Variants in AUTS2 observed in about 807,000 individuals in gnomAD.
The protein encoded by AUTS2 is autism susceptibility gene 2 protein.
AUTS2 carries 17 observed loss-of-function variants against 112.4 expected under a neutral mutation model. The observed-to-expected ratio is 0.15, with a 90% CI of 0.10 to 0.23. The LOEUF (loss-of-function observed/expected upper bound fraction) is 0.23. Among genes scored for constraint, AUTS2 ranks in the 10% least tolerant of loss-of-function variants. The pLI is 1.00. For synonymous variants in AUTS2, 751 were observed against 702.7 expected, an observed-to-expected ratio of 1.07 and a Z score of -1.09; for missense variants, 1,510 against 1,701.6, an observed-to-expected ratio of 0.89 and a Z score of 1.98.
chr7:70,733,188 G>A (rs1787539936), intron 6 of AUTS2, among the ~76,000 whole-genome samples: 1 of 152,130 alleles, frequency 6.6e-6, no homozygotes, highest in South Asian at 2.1e-4. Flanking sequence ...TCAAGGAAGG[G>A]GATGGAGGAA....
At chr7:70,366,391 G>C (rs1435608052) in intron 4 of AUTS2, among the ~76,000 whole-genome samples, 1 of 152,182 alleles carries the variant, frequency 6.6e-6, no homozygotes, top group African/African-American at 2.4e-5. Context: ...CGTTGGATGA[G>C]TAAAGCTCCC....
chr7:69,617,102 A>T (rs1446454804), intron 1 of AUTS2, among the ~76,000 whole-genome samples: 3 of 152,182 alleles, frequency 2.0e-5, no homozygotes, highest in Non-Finnish European at 2.9e-5. Flanking sequence ...AGGGGATTTT[A>T]TAAAGCAGGG....
intron 2 of AUTS2, among the ~76,000 whole-genome samples, chr7:70,014,500 T>C (rs1799942828): frequency 6.6e-6 from 1 of 152,232 alleles, no homozygotes; most frequent in South Asian, 2.1e-4. Context: ...GCTCAATGAG[T>C]ATTTATTAAA....
chr7:70,737,769 G>C (rs543155164), intron 6 of AUTS2, among the ~76,000 whole-genome samples: 4 of 152,298 alleles, frequency 2.6e-5, no homozygotes, highest in South Asian at 2.1e-4. Context: ...AGCCAGGGGG[G>C]TGAAGAGAAG....
At chr7:69,665,076 A>G (rs1795969647) in intron 1 of AUTS2, among the ~76,000 whole-genome samples, 1 of 152,126 alleles carries the variant, frequency 6.6e-6, no homozygotes, top group African/African-American at 2.4e-5. Flanking sequence ...AGGGTTGGTA[A>G]AATTTCACTG....
chr7:70,568,380 G>A (rs560777188), intron 5 of AUTS2, among the ~76,000 whole-genome samples: 1 of 152,316 alleles, frequency 6.6e-6, no homozygotes, highest in East Asian at 1.9e-4. Context: ...TTCAGATTGT[G>A]AGGATTGAAT....
chr7:69,843,584 T>A (rs570704789), intron 1 of AUTS2, among the ~76,000 whole-genome samples: 2 of 152,172 alleles, frequency 1.3e-5, no homozygotes, highest in Non-Finnish European at 2.9e-5. Context: ...AATAAAGGAA[T>A]GCATGGGGAT....
chr7:70,035,873 T>C (rs747420080), intron 2 of AUTS2, among the ~76,000 whole-genome samples: 2 of 152,196 alleles, frequency 1.3e-5, no homozygotes, highest in Non-Finnish European at 2.9e-5. Flanking sequence ...AAAATTGTTA[T>C]GTCAACTATG....
intron 4 of AUTS2, chr7:70,290,307 TATATC>T: frequency 7.0e-7 from 1 of 1,425,612 alleles, no homozygotes; most frequent in Non-Finnish European, 9.2e-7. Flanking sequence ...AGCACAGTAT[TATATC>T]AGAGGGCATT....
chr7:70,103,026 A>C (rs1804582456), intron 2 of AUTS2, among the ~76,000 whole-genome samples: 1 of 152,214 alleles, frequency 6.6e-6, no homozygotes. Context: ...TGTGGTATTT[A>C]CTTAAAATTT....
rs778803723 is a variant in AUTS2, at chr7:70,698,559, T to C, written c.691-10T>C. 2.5e-6 allele frequency: 4 copies of C among 1,604,620 alleles called. No individual in the cohort carries two copies. The East Asian group carries it at 6.7e-5, about 27-fold the overall frequency. On this transcript the variant is annotated splice_polypyrimidine_tract_variant and intron_variant, in intron 5 of 18. Coordinates refer to ENST00000342771, the MANE Select transcript of AUTS2 (RefSeq NM_015570.4). ...ATAATAATGCTTTTTTCCCCCTTCT[T>C]GTTTTTCAGGCATCAGATGCCAGCT...
chr7:69,748,798 G>C (rs1405666614), intron 1 of AUTS2, among the ~76,000 whole-genome samples: 1 of 152,148 alleles, frequency 6.6e-6, no homozygotes, highest in African/African-American at 2.4e-5. Flanking sequence ...CTTGTTTTTG[G>C]TATCTTTATA....
intron 5 of AUTS2, among the ~76,000 whole-genome samples, chr7:70,455,765 T>C (rs1003146067): frequency 6.6e-6 from 1 of 152,134 alleles, no homozygotes; most frequent in African/African-American, 2.4e-5. Context: ...TCAGCCTGGG[T>C]GACAGAGTGA....
chr7:69,713,474 T>C (rs1350867125), intron 1 of AUTS2, among the ~76,000 whole-genome samples: 2 of 151,470 alleles, frequency 1.3e-5, no homozygotes, highest in African/African-American at 4.9e-5. Flanking sequence ...TTTTTTTTTT[T>C]TTTGAGAGGG....
Position 69,812,137 on chromosome 7 carries a change from C to G in AUTS2, c.310-87149C>G, listed in dbSNP as rs1018032629. ...ATGCCAGCCCTCTCCATAATAGTCT[C>G]AATTACAGGAGAGCATCGTGTTACT... On this transcript the variant is annotated intron_variant, in intron 1 of 18. Transcript: ENST00000342771. Among the ~76,000 whole-genome samples, 4 of 152,238 alleles carry G rather than the reference C, an allele frequency of 2.6e-5. No individual in the cohort carries two copies. The South Asian group carries it at 8.3e-4, about 32-fold the overall frequency.
chr7:69,672,861 G>A lies in AUTS2; in HGVS notation c.309+72899G>A, dbSNP rs184987759. 2.6e-5 allele frequency among the ~76,000 whole-genome samples: 4 copies of A among 152,270 alleles called. No homozygotes were observed. The East Asian group carries it at 7.7e-4, about 29-fold the overall frequency. ...GACACATGAATTGATTTAGTTCTTT[G>A]CTGGAGAGGGCAGCAAAATGCCAGT... On this transcript the variant is annotated intron_variant, in intron 1 of 18. Coordinates refer to ENST00000342771, the MANE Select transcript of AUTS2 (RefSeq NM_015570.4).
intron 5 of AUTS2, among the ~76,000 whole-genome samples, chr7:70,480,570 A>G (rs1797752069): frequency 6.6e-6 from 1 of 152,166 alleles, no homozygotes; most frequent in Non-Finnish European, 1.5e-5. Flanking sequence ...GCATCTTGGG[A>G]TCAGGTGCTC....
At chr7:70,203,345 A>AG (rs1491472046) in intron 4 of AUTS2, among the ~76,000 whole-genome samples, 1 of 1,072 alleles carries the variant, frequency 9.3e-4, no homozygotes, top group Non-Finnish European at 1.7e-3. Flanking sequence ...AGAGTATAAT[A>AG]AAAAAAAAAA....
chr7:70,215,245 A>T (rs1236711103), intron 4 of AUTS2, among the ~76,000 whole-genome samples: 2 of 152,224 alleles, frequency 1.3e-5, no homozygotes, highest in African/African-American at 4.8e-5. Flanking sequence ...ATGCCACTGC[A>T]GTCCAGCCTG....
Sources: gnomAD v4.1 joint callset for allele counts (sites outside exome capture counted in the v4.1 genomes callset) on GRCh38, gnomAD v4.1.1 for gene constraint, MANE v1.5 for transcripts, NCBI Gene and HGNC (gene_info 2026-07-23, HGNC 2026-07-21) for gene names.